The following SAE1 variants were observed in gnomAD, a reference collection of about 807,000 sequenced individuals.
SAE1 encodes the protein SUMO1 activating enzyme subunit 1, also known as SUMO-activating enzyme subunit 1.
In SAE1, 11 loss-of-function variants were observed where a neutral mutation model predicts 40.6. That is an observed-to-expected ratio of 0.27 (90% CI 0.17 to 0.45). The LOEUF is 0.45. SAE1 is among the 20% of genes least tolerant of loss of function. The probability of loss-of-function intolerance (pLI) is 1.00; values close to 1 mark genes in which losing one functional copy is unlikely to be tolerated. For synonymous variants in SAE1, 155 were observed against 154.3 expected (o/e 1.00, Z -0.03); for missense variants, 373 against 427.3 (o/e 0.87, Z 1.12).
At chr19:47,142,098 A>G (rs934845046) in intron 1 of SAE1, among the ~76,000 whole-genome samples, 4 of 152,022 alleles carry the variant, frequency 2.6e-5, no homozygotes, top group Non-Finnish European at 4.4e-5. Context: ...AAAGCTAAAA[A>G]CAAGGCTGGG....
chr19:47,178,459 C>T (rs1352230326), intron 6 of SAE1, among the ~76,000 whole-genome samples: 5 of 152,114 alleles, frequency 3.3e-5, no homozygotes, highest in African/African-American at 1.2e-4. Flanking sequence ...CAGGTCAAAG[C>T]CTTTGCTTAC....
In SAE1 at chr19:47,143,540, G is replaced by C. The variant is rs1210612258; in HGVS notation, c.145G>C (p.Ala49Pro). 1 of 1,614,116 alleles carries C rather than the reference G, an allele frequency of 6.2e-7. No individual in the cohort carries two copies. ...VLLVGLKGLGAEIAKNLILAG... is the reference protein window; with the variant it reads ...VLLVGLKGLGPEIAKNLILAG... ...TCTTGTCGGCTTGAAAGGACTTGGG[G>C]CTGAAATTGCCAAGAATCTCATCTT... Residue 49 changes from alanine to proline, a missense_variant, in exon 2 of 9, where the codon GCT (alanine) becomes CCT (proline). By Grantham distance (27) the Ala-to-Pro change is conservative (BLOSUM62 -1). Transcript: ENST00000270225.
chr19:47,165,305 G>A (rs1395384399), intron 5 of SAE1, among the ~76,000 whole-genome samples: 1 of 151,518 alleles, frequency 6.6e-6, no homozygotes, highest in Non-Finnish European at 1.5e-5. Flanking sequence ...GGCCAGGCTG[G>A]TCTCGAACTC....
At chr19:47,182,733 A>G (rs1487685102) in intron 6 of SAE1, among the ~76,000 whole-genome samples, 1 of 152,070 alleles carries the variant, frequency 6.6e-6, no homozygotes, top group Non-Finnish European at 1.5e-5. Flanking sequence ...CCAAGTCTAT[A>G]CTACACAGTA....
intron 5 of SAE1, among the ~76,000 whole-genome samples, chr19:47,169,497 C>T (rs565435472): frequency 1.5e-4 from 23 of 152,234 alleles, no homozygotes; most frequent in African/African-American, 4.8e-4. Context: ...CCGCCTGCCT[C>T]GGTCTCCAAA....
chr19:47,196,652 G>A (rs765195833), intron 6 of SAE1, among the ~76,000 whole-genome samples: 2 of 151,384 alleles, frequency 1.3e-5, no homozygotes, highest in African/African-American at 4.9e-5. Flanking sequence ...GTGAGCCACC[G>A]CACCCGGCTC....
At chr19:47,149,369 C>A (rs1262861912) in intron 2 of SAE1, among the ~76,000 whole-genome samples, 1 of 151,538 alleles carries the variant, frequency 6.6e-6, no homozygotes, top group Non-Finnish European at 1.5e-5. Flanking sequence ...TGGCATTTCA[C>A]CATGTTGGCC....
chr19:47,144,955 T>C (rs901934389), intron 2 of SAE1, among the ~76,000 whole-genome samples: 2 of 151,434 alleles, frequency 1.3e-5, no homozygotes, highest in Admixed American at 6.6e-5. Context: ...CCTCAGCCTC[T>C]GAAGTAGCTG....
intron 6 of SAE1, chr19:47,180,449 G>A (rs1292021604): frequency 5.6e-6 from 2 of 359,122 alleles, no homozygotes; most frequent in African/African-American, 2.1e-5. Flanking sequence ...TATCACCATA[G>A]TAGTAACAAT....
At position 47,158,083 on chromosome 19, in the gene SAE1, G is replaced by T. The variant is rs191565372; in HGVS notation, c.627+2870G>T. Among the ~76,000 whole-genome samples, 3 of 151,334 alleles carry T rather than the reference G, an allele frequency of 2.0e-5. No homozygotes were observed. The East Asian group carries it at 5.8e-4, about 29-fold the overall frequency. On this transcript the variant is annotated intron_variant, in intron 5 of 8. Coordinates refer to ENST00000270225, the MANE Select transcript of SAE1 (RefSeq NM_005500.3). ...ACTAGTTGGGTTGTGCTCAGAGAGT[G>T]CAGGGTGGGGGTGGGGAAGCAGCTA...
chr19:47,136,878 A>G (rs2058183700), intron 1 of SAE1, among the ~76,000 whole-genome samples: 1 of 152,094 alleles, frequency 6.6e-6, no homozygotes, highest in Admixed American at 6.6e-5. Context: ...CCACAGAGCA[A>G]ATTGACTTGC....
At chr19:47,171,001 A>G (rs541400612) in intron 6 of SAE1, among the ~76,000 whole-genome samples, 42 of 151,768 alleles carry the variant, frequency 2.8e-4, no homozygotes, top group Admixed American at 6.6e-4. Context: ...TTTGAGATGG[A>G]GTCTCGCTCT....
rs1600220532 is a variant in SAE1, at chr19:47,204,503, C to CG, written c.948+763_948+764insG. Reference sequence around the variant, plus strand: ...ATGAGCCACTGTACCCAGCCGCACCCCCCCCCTTTTTTTTTTTTTTTGAGA... The same window carrying CG: ...ATGAGCCACTGTACCCAGCCGCACCCGCCCCCCTTTTTTTTTTTTTTTGAGA... On this transcript the variant is annotated intron_variant, in intron 8 of 8. Coordinates refer to ENST00000270225, the MANE Select transcript of SAE1 (RefSeq NM_005500.3). Among the ~76,000 whole-genome samples, 5 of 139,894 alleles carry CG rather than the reference C, an allele frequency of 3.6e-5. No individual in the cohort carries two copies. In the East Asian group the frequency reaches 6.2e-4, roughly 17 times the overall value. The allele number at this position is 139,894 out of a possible 152,430, so 91.8% of individuals were successfully genotyped here. A position where few individuals can be genotyped will look rare whatever the true frequency, so the allele number is the denominator to read the frequency against.
intron 6 of SAE1, among the ~76,000 whole-genome samples, chr19:47,190,229 G>T (rs907716091): frequency 1.3e-5 from 2 of 152,160 alleles, no homozygotes; most frequent in Non-Finnish European, 2.9e-5. Flanking sequence ...ACGATTTGAT[G>T]AGTCATCTTT....
chr19:47,201,245 C>T (rs2058652524), intron 7 of SAE1, among the ~76,000 whole-genome samples: 1 of 149,956 alleles, frequency 6.7e-6, no homozygotes, highest in Admixed American at 6.7e-5. Context: ...GATGGGGTTT[C>T]ACCATATTGG....
At chr19:47,152,402 T>C (rs1228133230) in intron 3 of SAE1, among the ~76,000 whole-genome samples, 1 of 152,228 alleles carries the variant, frequency 6.6e-6, no homozygotes, top group African/African-American at 2.4e-5. Flanking sequence ...GGAAAAATGA[T>C]CTCAACAGGA....
Position 47,209,542 on chromosome 19 carries a change from C to G in SAE1, c.*291C>G, listed in dbSNP as rs2058703141. 1 of 535,908 alleles carries G rather than the reference C, an allele frequency of 1.9e-6. No individual in the cohort carries two copies. Among genetic ancestry groups the G allele is most frequent in the Non-Finnish European group, 3.3e-6 (1 of 301,896 alleles). The allele number at this position is 535,908 out of a possible 1,614,324, so 33.2% of individuals were successfully genotyped here. A position where few individuals can be genotyped will look rare whatever the true frequency, so the allele number is the denominator to read the frequency against. On this transcript the variant is annotated 3_prime_UTR_variant, in exon 9 of 9. Transcript: ENST00000270225. ...GAGCACTTCCAAGCACCCCTCTGCCCTTTCTCTGTCCTTATGCTGTCCCGG... is the reference window on the plus strand; with the variant it reads ...GAGCACTTCCAAGCACCCCTCTGCCGTTTCTCTGTCCTTATGCTGTCCCGG...
intron 7 of SAE1, among the ~76,000 whole-genome samples, chr19:47,198,923 C>CA (rs1391041876): frequency 1.3e-5 from 2 of 151,838 alleles, no homozygotes; most frequent in Non-Finnish European, 2.9e-5. Context: ...CCTGTCTCTA[C>CA]AAAAAATAGA....
intron 5 of SAE1, among the ~76,000 whole-genome samples, chr19:47,169,002 G>A (rs2058414221): frequency 1.3e-5 from 2 of 152,020 alleles, no homozygotes; most frequent in Admixed American, 1.3e-4. Flanking sequence ...CCTATTACTG[G>A]GCTTTTTGCA....
Sources: gnomAD v4.1 joint callset for allele counts (sites outside exome capture counted in the v4.1 genomes callset) on GRCh38, gnomAD v4.1.1 for gene constraint, MANE v1.5 for transcripts, NCBI Gene and HGNC (gene_info 2026-07-23, HGNC 2026-07-21) for gene names.